Variants in SLC16A7 observed in about 807,000 individuals in gnomAD.
SLC16A7 encodes monocarboxylate transporter 2.
Under a neutral mutation model 34.9 loss-of-function variants are expected in SLC16A7, and 33 were observed. The ratio of observed to expected loss-of-function variants is 0.94; its 90% confidence interval spans 0.72 to 1.26. SLC16A7 has a LOEUF of 1.26. Ranked by LOEUF, SLC16A7 falls within the 50% of genes most tolerant of loss-of-function variation. The pLI, the probability that SLC16A7 is intolerant of heterozygous loss-of-function variation, is 0.00. For synonymous variants in SLC16A7, 201 were observed against 206.6 expected, an observed-to-expected ratio of 0.97 and a Z score of 0.23; for missense variants, 573 against 578.1, an observed-to-expected ratio of 0.99 and a Z score of 0.09.
intron 1 of SLC16A7, among the ~76,000 whole-genome samples, chr12:59,642,074 T>C (rs1284245359): frequency 6.6e-6 from 1 of 152,062 alleles, no homozygotes; most frequent in Non-Finnish European, 1.5e-5. Context: ...TTAAACACAA[T>C]CTAAATTAAG....
At chr12:59,756,769 G>A (rs1350621774) in intron 3 of SLC16A7, among the ~76,000 whole-genome samples, 2 of 134,678 alleles carry the variant, frequency 1.5e-5, no homozygotes, top group African/African-American at 6.1e-5. Flanking sequence ...TATACCCAAA[G>A]GACTATAAAT....
At chr12:59,696,361 T>A (rs1436272031) in intron 2 of SLC16A7, 3 of 152,022 alleles carry the variant, frequency 2.0e-5, no homozygotes, top group Admixed American at 6.6e-5. Flanking sequence ...AATTCAAATA[T>A]GCATGTAACA....
chr12:59,732,257 A>G (rs1877041873), intron 3 of SLC16A7, among the ~76,000 whole-genome samples: 1 of 152,026 alleles, frequency 6.6e-6, no homozygotes, highest in Non-Finnish European at 1.5e-5. Flanking sequence ...TCTCTACTAA[A>G]AAAAAACACA....
chr12:59,636,191 C>A (rs17122764), intron 1 of SLC16A7, among the ~76,000 whole-genome samples: 1 of 151,984 alleles, frequency 6.6e-6, no homozygotes, highest in South Asian at 2.1e-4. Flanking sequence ...TTTACACTTA[C>A]GATATTTGAA....
At chr12:59,680,762 T>C (rs1206405738) in intron 2 of SLC16A7, among the ~76,000 whole-genome samples, 1 of 152,176 alleles carries the variant, frequency 6.6e-6, no homozygotes, top group Non-Finnish European at 1.5e-5. Flanking sequence ...TTGATATTTG[T>C]TGAACAAATG....
intron 2 of SLC16A7, among the ~76,000 whole-genome samples, chr12:59,701,216 C>G (rs979597262): frequency 4.1e-4 from 62 of 151,680 alleles, no homozygotes; most frequent in African/African-American, 1.4e-3. Flanking sequence ...TACATGTAGT[C>G]TTCTGTCAAT....
At chr12:59,704,199 C>CAAAAAAAAAAAAAAAAAAGAA (rs1873238621) in intron 2 of SLC16A7, among the ~76,000 whole-genome samples, 2 of 51,614 alleles carry the variant, frequency 3.9e-5, no homozygotes, top group Admixed American at 2.3e-4. Context: ...GACTCTGTCT[C>CAAAAAAAAAAAAAAAAAAGAA]AAAAAAAAAA....
chr12:59,703,885 T>G (rs1873182098), intron 2 of SLC16A7, among the ~76,000 whole-genome samples: 1 of 152,034 alleles, frequency 6.6e-6, no homozygotes, highest in African/African-American at 2.4e-5. Flanking sequence ...TTTTACACCT[T>G]AAATATATAA....
chr12:59,659,661 G>A (rs1868731625), intron 2 of SLC16A7, among the ~76,000 whole-genome samples: 1 of 151,992 alleles, frequency 6.6e-6, no homozygotes, highest in East Asian at 1.9e-4. Context: ...TATTGCTTGG[G>A]TATATGGTCA....
At chr12:59,644,896 A>C (rs949894152) in intron 1 of SLC16A7, among the ~76,000 whole-genome samples, 2 of 152,220 alleles carry the variant, frequency 1.3e-5, no homozygotes, top group African/African-American at 4.8e-5. Flanking sequence ...AAAGTGGTTG[A>C]AATGATTTTC....
At chr12:59,668,348 T>C (rs1334715412) in intron 2 of SLC16A7, among the ~76,000 whole-genome samples, 3 of 152,158 alleles carry the variant, frequency 2.0e-5, no homozygotes, top group Non-Finnish European at 4.4e-5. Flanking sequence ...GCCACAGGGA[T>C]AGAGCTGCCC....
At chr12:59,621,645 T>C (rs1879700906) in intron 1 of SLC16A7, among the ~76,000 whole-genome samples, 1 of 151,884 alleles carries the variant, frequency 6.6e-6, no homozygotes, top group Non-Finnish European at 1.5e-5. Flanking sequence ...TAGTTTTGTT[T>C]TGAATTTTAA....
chr12:59,694,823 T>C (rs1420992936), intron 2 of SLC16A7, among the ~76,000 whole-genome samples: 3 of 151,960 alleles, frequency 2.0e-5, no homozygotes, highest in African/African-American at 7.2e-5. Flanking sequence ...TGCATAAGTG[T>C]ATATGAAATA....
intron 3 of SLC16A7, among the ~76,000 whole-genome samples, chr12:59,756,792 A>G (rs28881935): frequency 3.2e-3 from 404 of 125,634 alleles, no homozygotes; most frequent in Middle Eastern, 0.012. Context: ...TGCTGCTATA[A>G]AGACACATGC....
chr12:59,624,203 CAT>C (rs1242395685), intron 1 of SLC16A7, among the ~76,000 whole-genome samples: 16 of 151,516 alleles, frequency 1.1e-4, no homozygotes, highest in South Asian at 4.1e-4. Context: ...CATGAATCTC[CAT>C]AGTCTCATTT....
At chr12:59,603,254 A>G (rs1486212735) in intron 1 of SLC16A7, among the ~76,000 whole-genome samples, 1 of 152,166 alleles carries the variant, frequency 6.6e-6, no homozygotes, top group African/African-American at 2.4e-5. Flanking sequence ...ACATGGTATC[A>G]GATACTCTCA....
chr12:59,786,215 A>AAAAT lies in SLC16A7; in HGVS notation c.*6540_*6543dup, dbSNP rs1883613071. Reference sequence around the variant, plus strand: ...ATAAATAAAATAAAATAAAATAATAAAAATAAAAATAAAATAGAATAAGTT... The same window carrying AAAAT: ...ATAAATAAAATAAAATAAAATAATAAAAATAAATAAAAATAAAATAGAATAAGTT... On this transcript the variant is annotated 3_prime_UTR_variant, in exon 6 of 6. Coordinates refer to ENST00000547379, the MANE Select transcript of SLC16A7 (RefSeq NM_001270623.2). 1 of 147,412 alleles carries AAAAT rather than the reference A, an allele frequency of 6.8e-6. No individual in the cohort carries two copies. Among genetic ancestry groups the AAAAT allele is most frequent in the South Asian group, 2.1e-4 (1 of 4,822 alleles). The allele number at this position is 147,412 out of a possible 1,614,324, so 9.1% of individuals were successfully genotyped here.
intron 1 of SLC16A7, among the ~76,000 whole-genome samples, chr12:59,625,409 A>G (rs1251080522): frequency 6.6e-6 from 1 of 151,842 alleles, no homozygotes; most frequent in Non-Finnish European, 1.5e-5. Context: ...AACAAGGGAT[A>G]CTATTTAAGA....
chr12:59,660,425 A>G (rs1254167917), intron 2 of SLC16A7, among the ~76,000 whole-genome samples: 2 of 151,496 alleles, frequency 1.3e-5, no homozygotes, highest in East Asian at 3.9e-4. Flanking sequence ...TTGCCATATA[A>G]TTTTACATTG....
Sources: allele counts gnomAD v4.1 joint callset (sites outside exome capture counted in the v4.1 genomes callset), GRCh38; gene constraint gnomAD v4.1.1; transcripts MANE v1.5; gene names NCBI Gene and HGNC (gene_info 2026-07-23, HGNC 2026-07-21).